Variants in MBNL1 observed in about 807,000 individuals in gnomAD.
MBNL1 encodes muscleblind-like protein 1.
A neutral mutation model predicts 42.2 loss-of-function variants in MBNL1; 8 were observed. The observed-to-expected ratio is 0.19, with a 90% CI of 0.11 to 0.34. The LOEUF (loss-of-function observed/expected upper bound fraction) is 0.34, where lower values mean the gene tolerates loss of function less well. Among genes scored for constraint, MBNL1 ranks in the 10% least tolerant of loss-of-function variants. MBNL1 has a pLI of 1.00. For synonymous variants in MBNL1, 169 were observed against 173.9 expected, an observed-to-expected ratio of 0.97 and a Z score of 0.22; for missense variants, 309 against 495.3, an observed-to-expected ratio of 0.62 and a Z score of 3.57.
chr3:152,273,659 T>C (rs1275481509), intron 1 of MBNL1, among the ~76,000 whole-genome samples: 1 of 152,202 alleles, frequency 6.6e-6, no homozygotes, highest in Non-Finnish European at 1.5e-5. Context: ...AAACGAAATG[T>C]AGCCATATTG....
At chr3:152,272,001 A>G (rs1334856607) in intron 1 of MBNL1, among the ~76,000 whole-genome samples, 1 of 151,860 alleles carries the variant, frequency 6.6e-6, no homozygotes, top group South Asian at 2.1e-4. Context: ...TATTGGTTCT[A>G]ATAGAAGATC....
intron 2 of MBNL1, among the ~76,000 whole-genome samples, chr3:152,314,757 T>A (rs2152201200): frequency 6.6e-6 from 1 of 152,324 alleles, no homozygotes; most frequent in Middle Eastern, 3.4e-3. Context: ...AGCATGTACT[T>A]TTTCCAGCAA....
intron 5 of MBNL1, among the ~76,000 whole-genome samples, chr3:152,446,526 C>T (rs1411795047): frequency 6.6e-6 from 1 of 151,836 alleles, no homozygotes; most frequent in Non-Finnish European, 1.5e-5. Context: ...ATTGTGCATG[C>T]TTAGTCTTGT....
intron 3 of MBNL1, among the ~76,000 whole-genome samples, chr3:152,426,164 C>CGG (rs58517379): frequency 2.0e-5 from 2 of 98,632 alleles, no homozygotes; most frequent in African/African-American, 7.8e-5. Context: ...CATGTGGGCA[C>CGG]GGGGGGGGAA....
chr3:152,343,070 T>A (rs906414542), intron 2 of MBNL1, among the ~76,000 whole-genome samples: 1 of 152,038 alleles, frequency 6.6e-6, no homozygotes, highest in African/African-American at 2.4e-5. Flanking sequence ...CCATTTAACC[T>A]CTCTGAAAGG....
At chr3:152,346,773 C>G (rs1339868100) in intron 2 of MBNL1, among the ~76,000 whole-genome samples, 3 of 151,630 alleles carry the variant, frequency 2.0e-5, no homozygotes, top group Non-Finnish European at 4.4e-5. Flanking sequence ...TAAGCTGTTT[C>G]AGTGATTTCT....
intron 2 of MBNL1, among the ~76,000 whole-genome samples, chr3:152,346,892 A>AAC (rs2094339889): frequency 6.6e-6 from 1 of 151,550 alleles, no homozygotes; most frequent in South Asian, 2.1e-4. Flanking sequence ...AAAAAAAAAA[A>AAC]AAAAAACCAG....
intron 2 of MBNL1, among the ~76,000 whole-genome samples, chr3:152,332,177 C>G (rs1346677475): frequency 6.6e-6 from 1 of 152,170 alleles, no homozygotes; most frequent in East Asian, 1.9e-4. Flanking sequence ...GTCATGATTC[C>G]TCCTAGTCTA....
chr3:152,338,627 C>T (rs1254317850), intron 2 of MBNL1: 3 of 985,220 alleles, frequency 3.0e-6, no homozygotes, highest in Non-Finnish European at 3.6e-6. Context: ...ACATAGACCT[C>T]AGGAGTTTTC....
At chr3:152,443,300 T>C (rs1430675759) in intron 4 of MBNL1, among the ~76,000 whole-genome samples, 1 of 151,662 alleles carries the variant, frequency 6.6e-6, no homozygotes, top group Non-Finnish European at 1.5e-5. Flanking sequence ...GAGTATTAGT[T>C]CCCTGCTGCC....
chr3:152,366,214 A>C (rs1248015280), intron 2 of MBNL1, among the ~76,000 whole-genome samples: 2 of 152,160 alleles, frequency 1.3e-5, no homozygotes, highest in Admixed American at 6.6e-5. Flanking sequence ...TTGTTGTTTG[A>C]ACATTGAGTA....
At chr3:152,312,123 C>T (rs1211176210) in intron 2 of MBNL1, among the ~76,000 whole-genome samples, 1 of 138,416 alleles carries the variant, frequency 7.2e-6, no homozygotes, top group Non-Finnish European at 1.5e-5. Flanking sequence ...ACCCGGGAGG[C>T]GGAGCTTGCA....
At chr3:152,345,292 A>G (rs1030671999) in intron 2 of MBNL1, among the ~76,000 whole-genome samples, 4 of 152,166 alleles carry the variant, frequency 2.6e-5, no homozygotes, top group South Asian at 2.1e-4. Context: ...CTTATCCTGG[A>G]TGTGTCCTTG....
chr3:152,328,438 T>C (rs1372646122), intron 2 of MBNL1, among the ~76,000 whole-genome samples: 2 of 152,148 alleles, frequency 1.3e-5, no homozygotes. Context: ...TCTAAACATC[T>C]TCTGAGATGT....
intron 2 of MBNL1, among the ~76,000 whole-genome samples, chr3:152,368,985 A>G (rs1178934439): frequency 6.6e-6 from 1 of 152,112 alleles, no homozygotes. Context: ...CTCTCTTCCT[A>G]TTTGAATACA....
At chr3:152,390,167 T>G (rs1021576479) in intron 2 of MBNL1, among the ~76,000 whole-genome samples, 3 of 151,760 alleles carry the variant, frequency 2.0e-5, no homozygotes, top group Non-Finnish European at 2.9e-5. Context: ...AAAAAAAAAC[T>G]TACTGACTCT....
At chr3:152,320,863 C>T (rs1224468213) in intron 2 of MBNL1, among the ~76,000 whole-genome samples, 1 of 151,678 alleles carries the variant, frequency 6.6e-6, no homozygotes, top group Non-Finnish European at 1.5e-5. Flanking sequence ...CAAGGGATTC[C>T]TATATCTCTG....
Position 152,456,257 on chromosome 3 carries a change from C to G in MBNL1, c.998-10C>G. The G allele has an allele frequency of 6.3e-7, 1 of 1,599,108 alleles. No homozygotes were observed. Among genetic ancestry groups the G allele is most frequent in the South Asian group, 1.1e-5 (1 of 90,788 alleles). On this transcript the variant is annotated splice_polypyrimidine_tract_variant and intron_variant, in intron 7 of 9. Coordinates refer to ENST00000324210, the MANE Select transcript of MBNL1 (RefSeq NM_021038.5). ...CTGTATGTTCGCTTATATGATTTTCCCTCCGAAAGTTCCCATGGTGCACGG... is the reference window on the plus strand; with the variant it reads ...CTGTATGTTCGCTTATATGATTTTCGCTCCGAAAGTTCCCATGGTGCACGG...
chr3:152,400,213 A>G (rs1490012839), intron 2 of MBNL1, among the ~76,000 whole-genome samples: 1 of 152,202 alleles, frequency 6.6e-6, no homozygotes, highest in Non-Finnish European at 1.5e-5. Context: ...TTCTACTGAT[A>G]GTACTAATTG....
Sources: gnomAD v4.1 joint callset for allele counts (sites outside exome capture counted in the v4.1 genomes callset) on GRCh38, gnomAD v4.1.1 for gene constraint, MANE v1.5 for transcripts, NCBI Gene and HGNC (gene_info 2026-07-23, HGNC 2026-07-21) for gene names.